Variants in CPA6 observed in about 807,000 individuals in gnomAD.
CPA6 encodes the protein carboxypeptidase A6.
Under a neutral mutation model 63.3 loss-of-function variants are expected in CPA6, and 58 were observed. That is an observed-to-expected ratio of 0.92 (90% CI 0.74 to 1.14). The LOEUF is 1.14. Among genes scored for constraint, CPA6 ranks in the 50% most tolerant of loss-of-function variants. The pLI is 0.00. For missense variants in CPA6, 565 were observed against 526.6 expected (o/e 1.07, Z -0.71); for synonymous variants, 185 against 179.0 (o/e 1.03, Z -0.27).
At chr8:67,600,670 A>T (rs543799541) in intron 2 of CPA6, among the ~76,000 whole-genome samples, 46 of 152,314 alleles carry the variant, frequency 3.0e-4, no homozygotes, top group African/African-American at 1.1e-3. Flanking sequence ...TTAGTAGCCA[A>T]GTCAAATAGT....
intron 2 of CPA6, among the ~76,000 whole-genome samples, chr8:67,539,809 T>G (rs1241706252): frequency 6.6e-6 from 1 of 152,206 alleles, no homozygotes; most frequent in East Asian, 1.9e-4. Context: ...TAGTTTTGCA[T>G]GCTTCACAAA....
chr8:67,724,601 A>C (rs948725513), intron 1 of CPA6, among the ~76,000 whole-genome samples: 2 of 152,238 alleles, frequency 1.3e-5, no homozygotes, highest in African/African-American at 4.8e-5. Context: ...ATTGAAAGCA[A>C]CTACTTGCAT....
intron 2 of CPA6, among the ~76,000 whole-genome samples, chr8:67,532,734 C>T (rs561169873): frequency 6.6e-6 from 1 of 152,102 alleles, no homozygotes; most frequent in African/African-American, 2.4e-5. Flanking sequence ...ACATAATTTA[C>T]CAAAATATAA....
intron 1 of CPA6, among the ~76,000 whole-genome samples, chr8:67,672,282 A>T (rs1026047494): frequency 1.3e-5 from 2 of 152,214 alleles, no homozygotes; most frequent in Non-Finnish European, 2.9e-5. Context: ...GGAACATTTT[A>T]TATCATAGTT....
At position 67,611,618 on chromosome 8, in the gene CPA6, C is replaced by T. The variant is rs188318901; in HGVS notation, c.192+12558G>A. On this transcript the variant is annotated intron_variant, in intron 2 of 10. Coordinates refer to ENST00000297770, the MANE Select transcript of CPA6 (RefSeq NM_020361.5). ...AAGCTAGACTCCATAAATATTTCTC[C>T]TTTGATAGCTGGTCAATGTTAGGCT... is the stretch of plus-strand genomic sequence containing the variant. Among the ~76,000 whole-genome samples, 177 of 152,240 alleles carry T rather than the reference C, an allele frequency of 1.2e-3. 2 individuals carry two copies. Among genetic ancestry groups the T allele is most frequent in the Admixed American group, 0.01 (155 of 15,294 alleles).
At chr8:67,592,186 C>T (rs1165015696) in intron 2 of CPA6, among the ~76,000 whole-genome samples, 2 of 152,204 alleles carry the variant, frequency 1.3e-5, no homozygotes, top group Non-Finnish European at 2.9e-5. Context: ...TGCTGGATTA[C>T]ATTTACTGAT....
At chr8:67,605,242 G>A (rs576908858) in intron 2 of CPA6, among the ~76,000 whole-genome samples, 2 of 152,112 alleles carry the variant, frequency 1.3e-5, no homozygotes, top group South Asian at 4.2e-4. Context: ...TCTGTTTGTG[G>A]AATGAGTATG....
intron 6 of CPA6, among the ~76,000 whole-genome samples, chr8:67,503,525 C>G (rs535056641): frequency 7.2e-6 from 1 of 139,128 alleles, no homozygotes; most frequent in African/African-American, 2.7e-5. Context: ...CCAGGCTGAT[C>G]TCGAATTCCT....
chr8:67,453,802 C>T (rs922900348), intron 8 of CPA6, among the ~76,000 whole-genome samples: 1 of 152,132 alleles, frequency 6.6e-6, no homozygotes, highest in Non-Finnish European at 1.5e-5. Flanking sequence ...TGTATATACC[C>T]ATTTCTCTAC....
intron 2 of CPA6, among the ~76,000 whole-genome samples, chr8:67,605,080 GT>G (rs34741776): frequency 7.4e-4 from 108 of 145,028 alleles, no homozygotes; most frequent in African/African-American, 1.4e-3. Context: ...GCCCAGCCAC[GT>G]TTTTTTTTTT....
At chr8:67,517,843 GATAA>G (rs1812177611) in intron 3 of CPA6, 76 bp downstream of exon 3, 1 of 1,390,966 alleles carries the variant, frequency 7.2e-7, no homozygotes, top group African/African-American at 1.4e-5. Flanking sequence ...GTAAGTACTT[GATAA>G]ATAACCTAAA....
intron 2 of CPA6, among the ~76,000 whole-genome samples, chr8:67,570,250 T>C (rs1813453782): frequency 1.3e-5 from 2 of 152,148 alleles, no homozygotes; most frequent in Admixed American, 6.5e-5. Context: ...GAAATAAAAC[T>C]TCCCCAGACA....
chr8:67,475,823 T>TTTTCTTTCTTTC (rs1166367674), intron 8 of CPA6, among the ~76,000 whole-genome samples: 18 of 45,980 alleles, frequency 3.9e-4, no homozygotes, highest in East Asian at 1.8e-3. Context: ...CTTTCCTTTC[T>TTTTCTTTCTTTC]TTTCTTTCTT....
At chr8:67,573,996 C>G (rs956769368) in intron 2 of CPA6, among the ~76,000 whole-genome samples, 1 of 148,902 alleles carries the variant, frequency 6.7e-6, no homozygotes, top group African/African-American at 2.5e-5. Flanking sequence ...AGAATTAATA[C>G]TGTTAAAAGA....
chr8:67,646,958 T>G (rs1342488437), intron 1 of CPA6, among the ~76,000 whole-genome samples: 1 of 152,206 alleles, frequency 6.6e-6, no homozygotes, highest in Non-Finnish European at 1.5e-5. Flanking sequence ...TTAGAGAGTT[T>G]AAATCAGAAT....
At chr8:67,509,437 TC>T in intron 5 of CPA6, 79 bp downstream of exon 5, 1 of 672,990 alleles carries the variant, frequency 1.5e-6, no homozygotes, top group Non-Finnish European at 2.6e-6. Context: ...TCATTTCATT[TC>T]TTTTCCCATA....
At chr8:67,561,863 G>A (rs1010534769) in intron 2 of CPA6, among the ~76,000 whole-genome samples, 2 of 152,128 alleles carry the variant, frequency 1.3e-5, no homozygotes, top group Admixed American at 1.3e-4. Flanking sequence ...CAAATTTTCT[G>A]TAAGTTTATT....
intron 1 of CPA6, among the ~76,000 whole-genome samples, chr8:67,732,024 C>T (rs373102779): frequency 5.3e-5 from 8 of 152,234 alleles, no homozygotes; most frequent in African/African-American, 1.4e-4. Context: ...CCAGCTGGTG[C>T]CCATTCTAGG....
At chr8:67,428,522 C>T (rs139475889) in intron 9 of CPA6, among the ~76,000 whole-genome samples, 2 of 152,108 alleles carry the variant, frequency 1.3e-5, no homozygotes, top group African/African-American at 2.4e-5. Flanking sequence ...CTCGCTCTGT[C>T]GCCCAGGCTG....
Sources: allele counts gnomAD v4.1 joint callset (sites outside exome capture counted in the v4.1 genomes callset), GRCh38; gene constraint gnomAD v4.1.1; transcripts MANE v1.5; gene names NCBI Gene and HGNC (gene_info 2026-07-23, HGNC 2026-07-21).